Variants in CCDC197 observed in about 807,000 individuals in gnomAD.
The protein encoded by CCDC197 is coiled-coil domain containing 197.
A neutral mutation model predicts 13.4 loss-of-function variants in CCDC197; 24 were observed. The observed-to-expected ratio is 1.80, with a 90% CI of 1.30 to 2.53. CCDC197 has a LOEUF of 2.53. CCDC197 is among the 30% of genes most tolerant of loss of function. The pLI is 0.00. For synonymous variants in CCDC197, 99 were observed against 55.5 expected, an observed-to-expected ratio of 1.78 and a Z score of -3.48; for missense variants, 255 against 148.8, an observed-to-expected ratio of 1.71 and a Z score of -3.71.
rs140965792 is a variant in CCDC197, at chr14:94,003,284, G to A, written c.428G>A (p.Trp143Ter). ...TGCTACCGCAAGCAGGAGCAGTGGTGGCAGCTGAAGCACAGCATCACTTAC... is the reference window on the plus strand; with the variant it reads ...TGCTACCGCAAGCAGGAGCAGTGGTAGCAGCTGAAGCACAGCATCACTTAC... ...KKCYRKQEQW[W>*]QLKHSITYQK... The change falls in exon 5 of 7, where the codon TGG becomes TAG. Residue 143 changes from tryptophan to a stop codon, truncating the protein, a stop_gained. Coordinates refer to ENST00000636493, the MANE Select transcript of CCDC197 (RefSeq NM_001351596.2). LOFTEE classifies it high-confidence loss of function. The surrounding 1 kb of genome is among the most constrained non-coding windows in gnomAD (Gnocchi z 5.0). The A allele has an allele frequency of 1.9e-4, 149 of 780,948 alleles. 1 individual carries two copies. In the African/African-American group the frequency reaches 2.2e-3, roughly 12 times the overall value. The allele number at this position is 780,948 out of a possible 1,614,324, so 48.4% of individuals were successfully genotyped here.
upstream of CCDC197, among the ~76,000 whole-genome samples, chr14:93,996,844 C>T (rs767898541): frequency 3.9e-5 from 6 of 152,344 alleles, no homozygotes; most frequent in South Asian, 2.1e-4. Context: ...GGAGGTTCAC[C>T]GCCAAGCTGT....
chr14:94,011,212 G>GCAC (rs1437519811), downstream of CCDC197, among the ~76,000 whole-genome samples: 1 of 152,194 alleles, frequency 6.6e-6, no homozygotes, highest in African/African-American at 2.4e-5. Flanking sequence ...GCTGGAGAGA[G>GCAC]CACCACCTTC....
chr14:93,993,217 C>T (rs528489058), upstream of CCDC197, among the ~76,000 whole-genome samples: 19 of 152,224 alleles, frequency 1.2e-4, no homozygotes, highest in South Asian at 6.2e-4. Context: ...TAACGCCCAT[C>T]GAATACCTAC....
chr14:93,995,566 CCGGGCCCCAATG>C (rs1397674928), upstream of CCDC197, among the ~76,000 whole-genome samples: 1 of 152,198 alleles, frequency 6.6e-6, no homozygotes, highest in Admixed American at 6.5e-5. Context: ...TGGGAAACTT[CCGGGCCCCAATG>C]CGGGCTCTTA....
intron 5 of CCDC197, among the ~76,000 whole-genome samples, 153 bp from the exon 6 acceptor site, chr14:94,004,702 C>T (rs1890630733): frequency 6.6e-6 from 1 of 152,164 alleles, no homozygotes; most frequent in African/African-American, 2.4e-5. Flanking sequence ...TCAACCGAGC[C>T]CCGCAGGAGA....
intron 1 of CCDC197, among the ~76,000 whole-genome samples, chr14:93,989,179 C>G (rs1325540808): frequency 6.6e-6 from 1 of 152,042 alleles, no homozygotes; most frequent in Non-Finnish European, 1.5e-5. Flanking sequence ...TACTGAGATG[C>G]TTGACAGCTG....
chr14:94,004,755 C>A, intron 5 of CCDC197, 100 bp from the exon 6 acceptor site: 1 of 649,018 alleles, frequency 1.5e-6, no homozygotes, highest in Non-Finnish European at 2.8e-6. Flanking sequence ...AGTGTCCCAG[C>A]TCTGTCCACG....
At chr14:93,988,465 G>C (rs1212164528) in intron 1 of CCDC197, among the ~76,000 whole-genome samples, 4 of 45,210 alleles carry the variant, frequency 8.8e-5, no homozygotes, top group African/African-American at 2.2e-4. Flanking sequence ...GGGAGGAGGG[G>C]ATGGGAGACA....
chr14:94,011,243 G>A (rs571425232), downstream of CCDC197, among the ~76,000 whole-genome samples: 9 of 152,344 alleles, frequency 5.9e-5, no homozygotes, highest in African/African-American at 1.7e-4. Context: ...GTGAAGTTCT[G>A]TGGCTTGTTG....
chr14:93,995,736 G>A (rs763613824), upstream of CCDC197, among the ~76,000 whole-genome samples: 5 of 152,130 alleles, frequency 3.3e-5, no homozygotes, highest in Admixed American at 6.5e-5. Context: ...AGTTCCTGCC[G>A]CATGGATCTC....
chr14:94,005,430 G>A (rs1274361458), intron 6 of CCDC197, among the ~76,000 whole-genome samples: 1 of 152,178 alleles, frequency 6.6e-6, no homozygotes, highest in Non-Finnish European at 1.5e-5. Flanking sequence ...GCATTTCAGT[G>A]ACTGAGGGAG....
Position 93,998,358 on chromosome 14 carries a change from G to A in CCDC197, c.104+123G>A, listed in dbSNP as rs1426052413. 4.5e-6 allele frequency: 3 copies of A among 670,308 alleles called. No homozygotes were observed. The East Asian group carries it at 8.1e-5, about 18-fold the overall frequency. 41.5% of individuals were successfully genotyped at this position (670,308 alleles called of 1,614,324 possible). A position where few individuals can be genotyped will look rare whatever the true frequency, so the allele number is the denominator to read the frequency against. On this transcript the variant is annotated intron_variant, in intron 2 of 6. Coordinates refer to ENST00000636493, the MANE Select transcript of CCDC197 (RefSeq NM_001351596.2). ...ACAGGGGGTGGATGAGGAGGGCAGTGTGGCTTGGAAGCAAATGGGCGGGGT... is the reference window on the plus strand; with the variant it reads ...ACAGGGGGTGGATGAGGAGGGCAGTATGGCTTGGAAGCAAATGGGCGGGGT...
At position 93,998,254 on chromosome 14, in the gene CCDC197, C is replaced by G. The variant is rs752985751; in HGVS notation, c.104+19C>G. The G allele has an allele frequency of 3.9e-6, 3 of 774,350 alleles. No homozygotes were observed. The highest frequency in any genetic ancestry group is 1.7e-5 in the Admixed American group (1 of 58,592). The allele number at this position is 774,350 out of a possible 1,614,324, so 48.0% of individuals were successfully genotyped here. Reference sequence around the variant, plus strand: ...AGGCTAAGTATGTGTTGTCCCACCCCTGCCCCAGCCCCAGCCCCAGTGCTT... The same window carrying G: ...AGGCTAAGTATGTGTTGTCCCACCCGTGCCCCAGCCCCAGCCCCAGTGCTT... On this transcript the variant is annotated intron_variant, in intron 2 of 6. Transcript: ENST00000636493.
At chr14:93,991,008 G>A (rs1284420843) in intron 1 of CCDC197, among the ~76,000 whole-genome samples, 2 of 152,206 alleles carry the variant, frequency 1.3e-5, no homozygotes, top group Non-Finnish European at 2.9e-5. Flanking sequence ...ACTGATGAGA[G>A]CTGCCAAGGG....
intron 1 of CCDC197, among the ~76,000 whole-genome samples, chr14:93,989,798 C>T (rs1326218173): frequency 6.6e-6 from 1 of 152,150 alleles, no homozygotes; most frequent in East Asian, 1.9e-4. Context: ...TTCTTTGGGT[C>T]CCATTAGGCT....
At chr14:94,011,267 G>A (rs1197756985), downstream of CCDC197, among the ~76,000 whole-genome samples, 1 of 152,206 alleles carries the variant, frequency 6.6e-6, no homozygotes, top group Non-Finnish European at 1.5e-5. Context: ...GTGCCTTCGA[G>A]GGCTCTATGT....
downstream of CCDC197, among the ~76,000 whole-genome samples, chr14:94,009,567 A>G (rs1422977482): frequency 6.6e-6 from 1 of 152,134 alleles, no homozygotes; most frequent in Non-Finnish European, 1.5e-5. Flanking sequence ...TGTCTCTATA[A>G]AAAATGAAAC....
At chr14:93,991,537 A>G (rs1050158704) in intron 1 of CCDC197, among the ~76,000 whole-genome samples, 7 of 152,194 alleles carry the variant, frequency 4.6e-5, no homozygotes, top group African/African-American at 1.7e-4. Context: ...ACATCTATCG[A>G]GCGCCTGCTG....
At chr14:93,991,855 G>C (rs1274221913) in intron 1 of CCDC197, among the ~76,000 whole-genome samples, 1 of 152,216 alleles carries the variant, frequency 6.6e-6, no homozygotes, top group Admixed American at 6.5e-5. Context: ...CTGCGGCCAG[G>C]AAGGAGAACA....
Sources: gnomAD v4.1 joint callset for allele counts (sites outside exome capture counted in the v4.1 genomes callset) on GRCh38, gnomAD v4.1.1 for gene constraint, Gnocchi (gnomAD v3.1) non-coding constraint, MANE v1.5 for transcripts, NCBI Gene and HGNC (gene_info 2026-07-23, HGNC 2026-07-21) for gene names.